Variants in AGMO observed in about 807,000 individuals in gnomAD.
The protein encoded by AGMO is glyceryl-ether monooxygenase.
In AGMO, 75 loss-of-function variants were observed where a neutral mutation model predicts 60.2. The ratio of observed to expected loss-of-function variants is 1.25; its 90% CI spans 1.03 to 1.51. The LOEUF (loss-of-function observed/expected upper bound fraction) is 1.51, where lower values mean the gene tolerates loss of function less well. AGMO is among the 40% of genes most tolerant of loss of function. The pLI, the probability that AGMO is intolerant of heterozygous loss-of-function variation, is 0.00. For missense variants in AGMO, 763 were observed against 525.5 expected, an observed-to-expected ratio of 1.45 and a Z score of -4.42; for synonymous variants, 261 against 177.1, an observed-to-expected ratio of 1.47 and a Z score of -3.76.
At chr7:15,223,929 A>T (rs192585341) in intron 12 of AGMO, among the ~76,000 whole-genome samples, 98 of 152,254 alleles carry the variant, frequency 6.4e-4, no homozygotes, top group African/African-American at 2.0e-3. Flanking sequence ...TGTTCCAAAA[A>T]TATGTACTTG....
At chr7:15,410,392 A>T (rs145596101) in intron 5 of AGMO, among the ~76,000 whole-genome samples, 1,733 of 151,974 alleles carry the variant, frequency 0.011, 15 homozygotes, top group Middle Eastern at 0.072. Context: ...AAAAATAAAT[A>T]ACAAAAAAAC....
In AGMO at chr7:15,385,438, T is replaced by C; in HGVS notation, c.1074+8A>G. On this transcript the variant is annotated splice_region_variant and intron_variant, in intron 10 of 12. Transcript: ENST00000342526. ...GTTCTCACACTACTTAAAATGGATA[T>C]TACTTACAGCTGTATCTGCAAAGGT... The C allele has an allele frequency of 6.6e-7, 1 of 1,512,460 alleles. No homozygotes were observed. The highest frequency in any genetic ancestry group is 9.2e-7 in the Non-Finnish European group (1 of 1,091,786). 93.7% of individuals were successfully genotyped at this position (1,512,460 alleles called of 1,614,324 possible).
At chr7:15,241,459 C>CAAAAAAA (rs61727790) in intron 12 of AGMO, among the ~76,000 whole-genome samples, 1 of 51,352 alleles carries the variant, frequency 1.9e-5, no homozygotes, top group Non-Finnish European at 3.7e-5. Context: ...GACTCCGTCT[C>CAAAAAAA]AAAAAAAAAA....
intron 12 of AGMO, among the ~76,000 whole-genome samples, chr7:15,337,716 G>A (rs1563094786): frequency 6.6e-6 from 1 of 152,168 alleles, no homozygotes; most frequent in Non-Finnish European, 1.5e-5. Flanking sequence ...CAGTCAAGGG[G>A]CAAAAATCTC....
the AGMO span, among the ~76,000 whole-genome samples, chr7:15,173,812 G>T: frequency 9.4e-5 from 14 of 148,890 alleles, no homozygotes; most frequent in South Asian, 1.1e-3. Context: ...TTTTTTTTTT[G>T]GTATTTCTTT....
chr7:15,377,343 A>G (rs772200047), intron 10 of AGMO, among the ~76,000 whole-genome samples: 2 of 152,054 alleles, frequency 1.3e-5, no homozygotes, highest in Non-Finnish European at 2.9e-5. Flanking sequence ...TCAACACTTG[A>G]TATTTCTCTT....
chr7:15,181,394 G>C, the AGMO span, among the ~76,000 whole-genome samples: 1 of 152,056 alleles, frequency 6.6e-6, no homozygotes, highest in African/African-American at 2.4e-5. Context: ...TCCTGAGCTA[G>C]AGCCCCTTCT....
At chr7:15,382,096 C>G (rs1783717307) in intron 10 of AGMO, among the ~76,000 whole-genome samples, 1 of 152,004 alleles carries the variant, frequency 6.6e-6, no homozygotes, top group Non-Finnish European at 1.5e-5. Flanking sequence ...ATAAAATAAT[C>G]CATACAACAA....
intron 3 of AGMO, among the ~76,000 whole-genome samples, chr7:15,439,257 C>A (rs894467229): frequency 5.3e-5 from 8 of 152,014 alleles, no homozygotes; most frequent in Non-Finnish European, 1.5e-5. Context: ...ATTAGCAGGG[C>A]GTGGTGGTGC....
rs1227034526 is a variant in AGMO, at chr7:15,281,904, T to C, written c.1264-80545A>G. 2.6e-5 allele frequency among the ~76,000 whole-genome samples: 4 copies of C among 152,224 alleles called. No homozygotes were observed. The East Asian group carries it at 5.8e-4, about 22-fold the overall frequency. ...TGAATTTGCTCATACACCAAACACA[T>C]TGCTACTACAATGAGCATCTGAGAA... On this transcript the variant is annotated intron_variant, in intron 12 of 12. Transcript: ENST00000342526.
intron 5 of AGMO, among the ~76,000 whole-genome samples, chr7:15,398,366 T>A (rs968830946): frequency 2.6e-5 from 4 of 152,146 alleles, no homozygotes; most frequent in African/African-American, 7.2e-5. Flanking sequence ...GTTCGTTTTT[T>A]AAAAAATAGT....
intron 5 of AGMO, among the ~76,000 whole-genome samples, chr7:15,412,577 G>T (rs1185625907): frequency 1.3e-5 from 2 of 151,186 alleles, no homozygotes; most frequent in African/African-American, 2.4e-5. Context: ...TTGTAAAATT[G>T]CTAAGCAGAG....
the AGMO span, among the ~76,000 whole-genome samples, chr7:15,168,299 A>C: frequency 6.6e-6 from 1 of 152,248 alleles, no homozygotes; most frequent in African/African-American, 2.4e-5. Context: ...CTAGTGCAAC[A>C]GAAGTAAAGA....
rs553447816 is a variant in AGMO at position 15,499,309 on chromosome 7, T to G, written c.409+45463A>C. ...AATTCCACTCCAGTCACTCACCTTT[T>G]GTGTGCCTGAGTAGAACCAAACAAA... On this transcript the variant is annotated intron_variant, in intron 3 of 12. Transcript: ENST00000342526. 3.3e-5 allele frequency among the ~76,000 whole-genome samples: 5 copies of G among 152,030 alleles called. No homozygotes were observed. The South Asian group carries it at 1.0e-3, about 32-fold the overall frequency.
intron 12 of AGMO, among the ~76,000 whole-genome samples, chr7:15,335,882 T>A (rs1583421516): frequency 1.3e-5 from 2 of 152,240 alleles, no homozygotes; most frequent in South Asian, 2.1e-4. Context: ...TTTAAATAGA[T>A]CACACTAAAC....
the AGMO span, among the ~76,000 whole-genome samples, chr7:15,125,378 G>A: frequency 2.0e-5 from 3 of 152,074 alleles, no homozygotes; most frequent in South Asian, 2.1e-4. Context: ...GTGCAGTGGA[G>A]GTAGGCTTCT....
At chr7:15,207,662 T>C (rs1781473298) in intron 12 of AGMO, among the ~76,000 whole-genome samples, 1 of 152,194 alleles carries the variant, frequency 6.6e-6, no homozygotes, top group South Asian at 2.1e-4. Context: ...AGGCCGGGCG[T>C]GGTGGCTCAC....
chr7:15,359,588 G>C (rs1480228575), intron 12 of AGMO, among the ~76,000 whole-genome samples: 1 of 152,016 alleles, frequency 6.6e-6, no homozygotes, highest in African/African-American at 2.4e-5. Flanking sequence ...ATGAACAAAG[G>C]TAATCTTTCA....
At chr7:15,387,853 G>C (rs1783982480) in intron 8 of AGMO, among the ~76,000 whole-genome samples, 1 of 151,176 alleles carries the variant, frequency 6.6e-6, no homozygotes, top group Middle Eastern at 3.5e-3. Flanking sequence ...GCTTCCAATG[G>C]AATTAACTAG....
Sources: gnomAD v4.1 joint callset for allele counts (sites outside exome capture counted in the v4.1 genomes callset) on GRCh38, gnomAD v4.1.1 for gene constraint, MANE v1.5 for transcripts, NCBI Gene and HGNC (gene_info 2026-07-23, HGNC 2026-07-21) for gene names.